ARHGAP22: variants seen among roughly 807,000 people sequenced by gnomAD.
The protein encoded by ARHGAP22 is Rho GTPase activating protein 22.
Under a neutral mutation model 59.1 loss-of-function variants are expected in ARHGAP22, and 48 were observed. The observed-to-expected ratio is 0.81, with a 90% CI of 0.64 to 1.03. The LOEUF (loss-of-function observed/expected upper bound fraction) is 1.03, where lower values mean the gene tolerates loss of function less well. ARHGAP22 is among the 50% of genes least tolerant of loss of function. The pLI, the probability that ARHGAP22 is intolerant of heterozygous loss-of-function variation, is 0.00. For missense variants in ARHGAP22, 1,015 were observed against 958.7 expected (o/e 1.06, Z -0.78); for synonymous variants, 445 against 416.4 (o/e 1.07, Z -0.84).
intron 3 of ARHGAP22, among the ~76,000 whole-genome samples, chr10:48,508,666 C>T (rs1025012677): frequency 6.6e-6 from 1 of 152,244 alleles, no homozygotes; most frequent in African/African-American, 2.4e-5. Flanking sequence ...TCTAGCCACA[C>T]CCGCATCCTG....
At chr10:48,588,577 C>T (rs1370794425) in intron 1 of ARHGAP22, among the ~76,000 whole-genome samples, 1 of 152,104 alleles carries the variant, frequency 6.6e-6, no homozygotes, top group Non-Finnish European at 1.5e-5. Flanking sequence ...TCCCCAGGAG[C>T]AGGCCCAGGC....
chr10:48,629,376 A>AT (rs542041858), intron 1 of ARHGAP22, among the ~76,000 whole-genome samples: 67 of 151,864 alleles, frequency 4.4e-4, no homozygotes, highest in African/African-American at 1.5e-3. Flanking sequence ...GGTTTTCTAG[A>AT]TTTTTTCCTG....
intron 2 of ARHGAP22, among the ~76,000 whole-genome samples, chr10:48,562,120 G>A (rs1012786519): frequency 6.6e-6 from 1 of 152,000 alleles, no homozygotes; most frequent in Admixed American, 6.5e-5. Context: ...CAGCTACTCA[G>A]GAGGCTGAGG....
Position 48,450,583 on chromosome 10 carries a change from A to C in ARHGAP22, c.1546T>G (p.Ser516Ala). ...SVASMAWSGA[S>A]SSESSVGGSL... ...CCCCCCACCGACGACTCGCTGGACG[A>C]GGCCCCGGACCACGCCATACTGGCC... Residue 516 changes from serine to alanine, a missense_variant, in exon 9 of 10, where the codon TCG becomes GCG. Ser to Ala is a moderately conservative substitution (Grantham distance 99). Transcript: ENST00000249601. 3 of 1,540,250 alleles carry C rather than the reference A, an allele frequency of 1.9e-6. No individual in the cohort carries two copies. Among genetic ancestry groups the C allele is most frequent in the Non-Finnish European group, 2.6e-6 (3 of 1,144,046 alleles).
intron 4 of ARHGAP22, among the ~76,000 whole-genome samples, chr10:48,469,418 C>T (rs937226665): frequency 6.6e-6 from 1 of 152,214 alleles, no homozygotes; most frequent in Non-Finnish European, 1.5e-5. Flanking sequence ...ACACAAGCAA[C>T]CCAGTTAACA....
At chr10:48,649,919 C>T (rs779463020) in intron 1 of ARHGAP22, among the ~76,000 whole-genome samples, 1 of 151,722 alleles carries the variant, frequency 6.6e-6, no homozygotes, top group East Asian at 1.9e-4. Context: ...TGCCCTCAAT[C>T]CTTGAAAATG....
chr10:48,580,933 T>A (rs1436195060), intron 2 of ARHGAP22, among the ~76,000 whole-genome samples: 9 of 147,772 alleles, frequency 6.1e-5, no homozygotes, highest in African/African-American at 7.5e-5. Context: ...CAATCTAAAG[T>A]AAAAAAAAAA....
At chr10:48,629,362 C>T (rs1278060383) in intron 1 of ARHGAP22, among the ~76,000 whole-genome samples, 1 of 152,164 alleles carries the variant, frequency 6.6e-6, no homozygotes, top group Admixed American at 6.5e-5. Flanking sequence ...GGTGTCAATC[C>T]CAAGGTTTTC....
intron 3 of ARHGAP22, among the ~76,000 whole-genome samples, chr10:48,534,232 G>A (rs191387747): frequency 3.8e-4 from 58 of 152,350 alleles, no homozygotes; most frequent in African/African-American, 1.2e-3. Flanking sequence ...GAATCGTTGG[G>A]GAGAAATTCC....
the ARHGAP22 span, chr10:48,437,614 G>C: frequency 3.9e-5 from 6 of 152,138 alleles, no homozygotes; most frequent in South Asian, 1.2e-3. Flanking sequence ...CCATTGTGTT[G>C]TTGGGATCAC....
At chr10:48,442,950 T>C (rs2045236539), downstream of ARHGAP22, among the ~76,000 whole-genome samples, 1 of 152,136 alleles carries the variant, frequency 6.6e-6, no homozygotes, top group Non-Finnish European at 1.5e-5. Context: ...AGTGGGGTCA[T>C]CAAGCCAGCT....
intron 2 of ARHGAP22, among the ~76,000 whole-genome samples, chr10:48,577,652 C>T (rs2058806014): frequency 6.6e-6 from 1 of 151,906 alleles, no homozygotes; most frequent in Non-Finnish European, 1.5e-5. Flanking sequence ...GATATTCCAC[C>T]AAGAAAGGGC....
intron 9 of ARHGAP22, among the ~76,000 whole-genome samples, chr10:48,448,441 T>C (rs1189178811): frequency 6.6e-6 from 1 of 152,128 alleles, no homozygotes; most frequent in African/African-American, 2.4e-5. Context: ...TTTTGATCAG[T>C]TTTCACCCCA....
At chr10:48,544,326 C>G (rs540229503) in intron 3 of ARHGAP22, among the ~76,000 whole-genome samples, 2 of 152,342 alleles carry the variant, frequency 1.3e-5, no homozygotes, top group South Asian at 4.1e-4. Flanking sequence ...AAATGTGAAT[C>G]TAGCTCTGTC....
chr10:48,621,951 T>C (rs2061300156), intron 1 of ARHGAP22, among the ~76,000 whole-genome samples: 1 of 152,210 alleles, frequency 6.6e-6, no homozygotes, highest in Non-Finnish European at 1.5e-5. Flanking sequence ...TGTTTGATTT[T>C]AGTGTAGCCC....
intron 3 of ARHGAP22, among the ~76,000 whole-genome samples, chr10:48,539,366 A>G (rs1164593833): frequency 7.4e-6 from 1 of 135,792 alleles, no homozygotes; most frequent in Non-Finnish European, 1.5e-5. Context: ...ATCTCGGCTC[A>G]CTGCAAGCTC....
intron 1 of ARHGAP22, among the ~76,000 whole-genome samples, chr10:48,602,014 A>T (rs2135890006): frequency 6.6e-6 from 1 of 152,382 alleles, no homozygotes; most frequent in East Asian, 1.9e-4. Context: ...TTTAGATCCC[A>T]CATTTATTGG....
At chr10:48,568,324 A>G (rs2135458761) in intron 2 of ARHGAP22, among the ~76,000 whole-genome samples, 1 of 152,320 alleles carries the variant, frequency 6.6e-6, no homozygotes, top group Middle Eastern at 3.4e-3. Context: ...TGGCTGAATG[A>G]CATGTCCTGG....
chr10:48,516,541 T>TAAAA (rs1157733598), intron 3 of ARHGAP22, among the ~76,000 whole-genome samples: 2 of 151,486 alleles, frequency 1.3e-5, no homozygotes, highest in Non-Finnish European at 2.9e-5. Context: ...AATAAATAAA[T>TAAAA]AAATAAATAA....
Sources: gnomAD v4.1 joint callset for allele counts (sites outside exome capture counted in the v4.1 genomes callset) on GRCh38, gnomAD v4.1.1 for gene constraint, MANE v1.5 for transcripts, NCBI Gene and HGNC (gene_info 2026-07-23, HGNC 2026-07-21) for gene names.